The following NRXN1 variants were observed in gnomAD, a reference collection of about 807,000 sequenced individuals.
NRXN1 encodes neurexin-1.
Under a neutral mutation model 150.9 loss-of-function variants are expected in NRXN1, and 39 were observed. The ratio of observed to expected loss-of-function variants is 0.26; its 90% CI spans 0.20 to 0.34. The LOEUF is 0.34. Among genes scored for constraint, NRXN1 ranks in the 10% least tolerant of loss-of-function variants. The pLI, the probability that NRXN1 is intolerant of heterozygous loss-of-function variation, is 1.00. For synonymous variants in NRXN1, 924 were observed against 757.0 expected, an observed-to-expected ratio of 1.22 and a Z score of -3.62; for missense variants, 1,815 against 1,949.9, an observed-to-expected ratio of 0.93 and a Z score of 1.30.
At chr2:50,574,792 G>C (rs566969875) in intron 8 of NRXN1, among the ~76,000 whole-genome samples, 6 of 152,190 alleles carry the variant, frequency 3.9e-5, no homozygotes, top group Non-Finnish European at 7.3e-5. Context: ...AAGATTCCAG[G>C]CTCCATTCAA....
At position 50,058,772 on chromosome 2, in the gene NRXN1, C is replaced by A. The variant is rs527600607; in HGVS notation, c.3719-3728G>T. On this transcript the variant is annotated intron_variant, in intron 19 of 22. Coordinates refer to ENST00000401669, the MANE Select transcript of NRXN1 (RefSeq NM_001330078.2). ...TTCTCATGAGAGTAAATAAGTCTCA[C>A]AAGACCTGATGGTTTTATAAATGGC... Among the ~76,000 whole-genome samples, 369 of 152,170 alleles carry A rather than the reference C, an allele frequency of 2.4e-3. 1 individual carries two copies. Among genetic ancestry groups the A allele is most frequent in the Non-Finnish European group, 4.3e-3 (295 of 68,002 alleles).
chr2:50,865,658 GTTTTTTTTTTTTT>G lies in NRXN1; in HGVS notation c.832+56198_832+56210del, dbSNP rs71404978. Among the ~76,000 whole-genome samples the G allele has an allele frequency of 2.1e-3, 86 of 41,870 alleles. 4 individuals are homozygous for G. Among genetic ancestry groups the G allele is most frequent in the Non-Finnish European group, 1.4e-3 (35 of 25,608 alleles). 27.5% of individuals were successfully genotyped at this position (41,870 alleles called of 152,430 possible). A position where few individuals can be genotyped will look rare whatever the true frequency, so the allele number is the denominator to read the frequency against. Reference sequence around the variant, plus strand: ...AGTAATTCCCAGTAAGCATTTGAAAGTTTTTTTTTTTTTTTTTTTTTTTTTTTTGGTGGTGGGG... The same window carrying G: ...AGTAATTCCCAGTAAGCATTTGAAAGTTTTTTTTTTTTTTTGGTGGTGGGG... On this transcript the variant is annotated intron_variant, in intron 5 of 22. Transcript: ENST00000401669.
At chr2:49,943,661 A>G (rs748724310) in intron 22 of NRXN1, 43 bp downstream of exon 22, 13 of 1,342,670 alleles carry the variant, frequency 9.7e-6, no homozygotes, top group Non-Finnish European at 1.3e-5. Flanking sequence ...TGCAACAAAG[A>G]TTTACAGTAA....
chr2:50,306,003 G>C (rs2152958497), intron 17 of NRXN1, among the ~76,000 whole-genome samples: 1 of 152,238 alleles, frequency 6.6e-6, no homozygotes, highest in Middle Eastern at 3.4e-3. Context: ...ATTAAAATGA[G>C]ACAAGTGAAA....
chr2:50,481,298 G>A (rs2090439363), intron 15 of NRXN1, among the ~76,000 whole-genome samples: 1 of 152,146 alleles, frequency 6.6e-6, no homozygotes, highest in African/African-American at 2.4e-5. Flanking sequence ...ATAAATGGTA[G>A]CAAAAATCCA....
intron 17 of NRXN1, among the ~76,000 whole-genome samples, chr2:50,388,236 T>C (rs1206600242): frequency 2.0e-5 from 3 of 152,224 alleles, no homozygotes; most frequent in Non-Finnish European, 4.4e-5. Context: ...ATTATGAATA[T>C]ACCATGTACT....
chr2:50,723,518 C>T (rs925441393), intron 5 of NRXN1, among the ~76,000 whole-genome samples: 14 of 152,158 alleles, frequency 9.2e-5, no homozygotes, highest in African/African-American at 2.2e-4. Context: ...TAACAACCAA[C>T]GAATCTAGGA....
At chr2:50,531,517 T>C (rs2093110969) in intron 10 of NRXN1, 87 bp from the exon 11 acceptor site, 1 of 1,020,358 alleles carries the variant, frequency 9.8e-7, no homozygotes, top group Non-Finnish European at 1.5e-6. Context: ...TATTATCATT[T>C]ATTTAAGACT....
intron 18 of NRXN1, among the ~76,000 whole-genome samples, chr2:50,154,500 G>A (rs57808426): frequency 0.014 from 2,054 of 151,472 alleles, 59 homozygotes; most frequent in African/African-American, 0.047. Context: ...CTTTCTATCC[G>A]GTAAAAACAA....
chr2:49,925,792 A>T (rs1439281214), intron 22 of NRXN1, among the ~76,000 whole-genome samples: 1 of 151,956 alleles, frequency 6.6e-6, no homozygotes, highest in East Asian at 1.9e-4. Flanking sequence ...CGTGACAAAG[A>T]AACAAGTGAA....
chr2:50,194,018 CTTTT>C (rs1351887092), intron 18 of NRXN1, among the ~76,000 whole-genome samples: 1 of 152,120 alleles, frequency 6.6e-6, no homozygotes, highest in Non-Finnish European at 1.5e-5. Context: ...AATTTAACTC[CTTTT>C]GTCTTAACTA....
At chr2:50,419,797 A>G (rs1485175076) in intron 17 of NRXN1, among the ~76,000 whole-genome samples, 1 of 152,076 alleles carries the variant, frequency 6.6e-6, no homozygotes, top group Non-Finnish European at 1.5e-5. Flanking sequence ...CTCCCATTAT[A>G]TGCTTTTATG....
chr2:50,378,155 AAGTTTG>A (rs898985690), intron 17 of NRXN1, among the ~76,000 whole-genome samples: 1 of 152,194 alleles, frequency 6.6e-6, no homozygotes, highest in Non-Finnish European at 1.5e-5. Context: ...ATTAGTCAAT[AAGTTTG>A]ATACCTAAAT....
chr2:50,387,653 G>T (rs968604955), intron 17 of NRXN1, among the ~76,000 whole-genome samples: 1 of 152,084 alleles, frequency 6.6e-6, no homozygotes, highest in African/African-American at 2.4e-5. Context: ...AAAATTACAG[G>T]AACAGTATGA....
At chr2:50,527,752 C>T (rs559508060) in intron 12 of NRXN1, among the ~76,000 whole-genome samples, 85 of 152,192 alleles carry the variant, frequency 5.6e-4, no homozygotes, top group African/African-American at 1.8e-3. Context: ...ACTCCATCAA[C>T]TCACATTCAG....
intron 17 of NRXN1, among the ~76,000 whole-genome samples, chr2:50,245,200 A>G (rs2066384519): frequency 6.6e-6 from 1 of 151,942 alleles, no homozygotes. Flanking sequence ...TTGTTTTGAG[A>G]TCAAATTCAA....
At chr2:50,538,942 A>G (rs1395610056) in intron 9 of NRXN1, among the ~76,000 whole-genome samples, 1 of 152,232 alleles carries the variant, frequency 6.6e-6, no homozygotes, top group Admixed American at 6.5e-5. Context: ...TACATTAAAA[A>G]TAAAGAAACT....
intron 2 of NRXN1, among the ~76,000 whole-genome samples, chr2:50,981,221 C>T (rs1696735044): frequency 6.6e-6 from 1 of 151,834 alleles, no homozygotes; most frequent in Admixed American, 6.6e-5. Context: ...CTTAGGGAGG[C>T]TGAGGTGGGT....
At chr2:50,869,825 G>T (rs1677491696) in intron 5 of NRXN1, among the ~76,000 whole-genome samples, 1 of 151,792 alleles carries the variant, frequency 6.6e-6, no homozygotes, top group South Asian at 2.1e-4. Flanking sequence ...GAGTTGATTT[G>T]AAATTTCTAG....
Sources: allele counts gnomAD v4.1 joint callset (sites outside exome capture counted in the v4.1 genomes callset), GRCh38; gene constraint gnomAD v4.1.1; transcripts MANE v1.5; gene names NCBI Gene and HGNC (gene_info 2026-07-23, HGNC 2026-07-21).